Variants in TDRD5 observed in about 807,000 individuals in gnomAD.
The protein encoded by TDRD5 is tudor domain-containing protein 5.
Under a neutral mutation model 120.6 loss-of-function variants are expected in TDRD5, and 41 were observed. The ratio of observed to expected loss-of-function variants is 0.34; its 90% CI spans 0.26 to 0.44. The LOEUF (loss-of-function observed/expected upper bound fraction) is 0.44. TDRD5 is among the 20% of genes least tolerant of loss of function. The pLI is 1.00. For synonymous variants in TDRD5, 430 were observed against 433.7 expected (o/e 0.99, Z 0.11); for missense variants, 1,006 against 1,221.2 (o/e 0.82, Z 2.63).
intron 14 of TDRD5, among the ~76,000 whole-genome samples, chr1:179,659,582 TGTGTGTGTGC>T (rs1553332464): frequency 9.9e-4 from 144 of 144,820 alleles, no homozygotes; most frequent in South Asian, 5.4e-3. Context: ...TGTGTGTGTG[TGTGTGTGTGC>T]GCGCGCTTGC....
intron 7 of TDRD5, among the ~76,000 whole-genome samples, chr1:179,632,205 C>A (rs187782136): frequency 6.6e-6 from 1 of 152,070 alleles, no homozygotes; most frequent in African/African-American, 2.4e-5. Flanking sequence ...CACTCCCGGC[C>A]GTGACCTTCT....
intron 4 of TDRD5, among the ~76,000 whole-genome samples, chr1:179,605,147 C>T (rs950677751): frequency 2.0e-5 from 3 of 152,170 alleles, no homozygotes; most frequent in East Asian, 3.8e-4. Flanking sequence ...TCTCTTTTAA[C>T]TGCTGTTGCT....
At chr1:179,602,508 A>T (rs552989044) in intron 4 of TDRD5, among the ~76,000 whole-genome samples, 1 of 152,196 alleles carries the variant, frequency 6.6e-6, no homozygotes, top group South Asian at 2.1e-4. Flanking sequence ...TTATAGTTTC[A>T]GGTCTTAGGT....
intron 5 of TDRD5, 100 bp downstream of exon 5, chr1:179,618,782 C>A: frequency 1.3e-6 from 1 of 746,068 alleles, no homozygotes; most frequent in Admixed American, 3.9e-5. Context: ...TACATCTAAT[C>A]TTTAATATAC....
chr1:179,654,249 A>G lies in TDRD5; in HGVS notation c.2209A>G (p.Lys737Glu), dbSNP rs1250354733. ...KSLSHLKSESKEPLKDSEFES... is the reference protein window; with the variant it reads ...KSLSHLKSESEEPLKDSEFES... ...TTTAAGTCATCTTAAATCTGAGTCA[A>G]AGGAGCCATTAAAGGATTCTGAATT... is the stretch of plus-strand genomic sequence containing the variant. The change falls in exon 14 of 18, where the codon AAG (lysine) becomes GAG (glutamate). Residue 737 changes from lysine (K) to glutamate (E), a missense_variant. Transcript: ENST00000444136. 6.5e-7 allele frequency: 1 copy of G among 1,549,044 alleles called. No individual in the cohort carries two copies. The highest frequency in any genetic ancestry group is 2.0e-5 in the Admixed American group (1 of 50,966).
In TDRD5 at chr1:179,593,766, A is replaced by G; in HGVS notation, c.539A>G (p.Asn180Ser). ...YGFLSMFEVL[N>S]AASDVISVEQ... Reference sequence around the variant, plus strand: ...TTTCTCTCTATGTTTGAAGTGCTTAATGCGGCTTCAGATGTCATTTCTGTA... The same window carrying G: ...TTTCTCTCTATGTTTGAAGTGCTTAGTGCGGCTTCAGATGTCATTTCTGTA... Residue 180 changes from asparagine (N) to serine (S), a missense_variant, in exon 3 of 18, where the codon AAT becomes AGT. Around this residue, in one of 3 missense-constraint regions of TDRD5, gnomAD observed 445 missense variants for 515.5 expected, o/e 0.86. Coordinates refer to ENST00000444136, the MANE Select transcript of TDRD5 (RefSeq NM_001199085.3). 6.2e-7 allele frequency: 1 copy of G among 1,614,254 alleles called. No homozygotes were observed. Among genetic ancestry groups the G allele is most frequent in the Admixed American group, 1.7e-5 (1 of 60,028 alleles).
chr1:179,647,522 A>AT (rs1678449162), intron 11 of TDRD5, among the ~76,000 whole-genome samples: 1 of 151,586 alleles, frequency 6.6e-6, no homozygotes, highest in Non-Finnish European at 1.5e-5. Flanking sequence ...AGGCATTACC[A>AT]TTCAGGACAT....
At chr1:179,604,734 A>G (rs957020777) in intron 4 of TDRD5, among the ~76,000 whole-genome samples, 2 of 152,096 alleles carry the variant, frequency 1.3e-5, no homozygotes, top group Non-Finnish European at 2.9e-5. Context: ...TGTTGTCTGA[A>G]AAAGTGCTTG....
At chr1:179,608,566 A>G (rs1483650183) in intron 4 of TDRD5, among the ~76,000 whole-genome samples, 1 of 152,022 alleles carries the variant, frequency 6.6e-6, no homozygotes, top group Admixed American at 6.6e-5. Flanking sequence ...ATTATTTTTC[A>G]TTCAGATGTT....
chr1:179,593,145 G>A (rs1487185110), intron 2 of TDRD5, among the ~76,000 whole-genome samples: 8 of 152,170 alleles, frequency 5.3e-5, no homozygotes, highest in Non-Finnish European at 1.0e-4. Context: ...ATAAAAACAT[G>A]TTTTAAATTT....
chr1:179,640,524 G>A, intron 11 of TDRD5, 79 bp downstream of exon 11: 1 of 1,400,834 alleles, frequency 7.1e-7, no homozygotes, highest in Non-Finnish European at 1.0e-6. Context: ...ACATGCTCAG[G>A]ATATGAAGAT....
At chr1:179,603,738 G>A (rs1036636042) in intron 4 of TDRD5, among the ~76,000 whole-genome samples, 8 of 152,260 alleles carry the variant, frequency 5.3e-5, no homozygotes, top group East Asian at 3.9e-4. Flanking sequence ...ACTTGATCAT[G>A]GTGGATTATC....
intron 4 of TDRD5, among the ~76,000 whole-genome samples, chr1:179,615,677 C>T (rs1435187910): frequency 6.6e-6 from 1 of 152,074 alleles, no homozygotes; most frequent in Non-Finnish European, 1.5e-5. Flanking sequence ...CTTCTGCCCT[C>T]TATAATTATA....
At chr1:179,663,243 T>G in intron 15 of TDRD5, 105 bp from the exon 16 acceptor site, 1 of 1,326,238 alleles carries the variant, frequency 7.5e-7, no homozygotes, top group Non-Finnish European at 1.0e-6. Flanking sequence ...AATACCTTTT[T>G]TAAAAATATG....
At chr1:179,651,938 A>T in intron 12 of TDRD5, 101 bp from the exon 13 acceptor site, 2 of 1,281,664 alleles carry the variant, frequency 1.6e-6, no homozygotes, top group Non-Finnish European at 2.2e-6. Flanking sequence ...AATTTGGAAG[A>T]TAATATACTT....
intron 17 of TDRD5, among the ~76,000 whole-genome samples, chr1:179,671,992 G>A (rs1174325169): frequency 7.1e-6 from 1 of 141,196 alleles, no homozygotes; most frequent in Non-Finnish European, 1.5e-5. Context: ...GTGTGTGTGT[G>A]TATCACATTT....
At chr1:179,605,532 TG>T (rs1179938479) in intron 4 of TDRD5, among the ~76,000 whole-genome samples, 4 of 152,140 alleles carry the variant, frequency 2.6e-5, no homozygotes, top group African/African-American at 9.7e-5. Flanking sequence ...CTGCAGGTTT[TG>T]ACAAATATGT....
chr1:179,655,485 T>C (rs1678953853), intron 14 of TDRD5, among the ~76,000 whole-genome samples: 1 of 152,250 alleles, frequency 6.6e-6, no homozygotes, highest in African/African-American at 2.4e-5. Context: ...TTGACTGTTT[T>C]GGTGTACTAT....
intron 10 of TDRD5, 91 bp downstream of exon 10, chr1:179,640,142 C>A: frequency 7.3e-7 from 1 of 1,363,996 alleles, no homozygotes; most frequent in Non-Finnish European, 1.0e-6. Context: ...TTTTCTCTTG[C>A]CTTCCTCCCT....
Sources: gnomAD v4.1 joint callset for allele counts (sites outside exome capture counted in the v4.1 genomes callset) on GRCh38, gnomAD v4.1.1 for gene constraint, gnomAD v4.1.1 regional missense constraint, MANE v1.5 for transcripts, NCBI Gene and HGNC (gene_info 2026-07-23, HGNC 2026-07-21) for gene names.